Variants in FRZB observed in about 807,000 individuals in gnomAD.
The protein encoded by FRZB is frizzled related protein.
Under a neutral mutation model 32.5 loss-of-function variants are expected in FRZB, and 34 were observed. The observed-to-expected ratio is 1.05, with a 90% confidence interval of 0.80 to 1.39. The LOEUF is 1.39. FRZB is among the 40% of genes most tolerant of loss of function. The pLI, the probability that FRZB is intolerant of heterozygous loss-of-function variation, is 0.00. For synonymous variants in FRZB, 170 were observed against 159.2 expected (o/e 1.07, Z -0.51); for missense variants, 423 against 424.8 (o/e 1.00, Z 0.04).
Position 182,839,968 on chromosome 2 carries a change from TCCC to T in FRZB, c.593-1358_593-1356del, listed in dbSNP as rs570419377. ...AATATAAAACCAGCTAATCAACCAT[TCCC>T]CCCATTAATGTTCCAATTTCGTCAC... On this transcript the variant is annotated intron_variant, in intron 3 of 5. Coordinates refer to ENST00000295113, the MANE Select transcript of FRZB (RefSeq NM_001463.4). Among the ~76,000 whole-genome samples, 340 of 151,922 alleles carry T rather than the reference TCCC, an allele frequency of 2.2e-3. 1 individual carries two copies. Among genetic ancestry groups the T allele is most frequent in the African/African-American group, 7.9e-3 (326 of 41,468 alleles).
At chr2:182,854,172 G>A (rs555830920) in intron 2 of FRZB, among the ~76,000 whole-genome samples, 8 of 152,274 alleles carry the variant, frequency 5.3e-5, no homozygotes, top group Non-Finnish European at 8.8e-5. Flanking sequence ...GAGGCTTCTG[G>A]AGTGCTGGTA....
intron 2 of FRZB, among the ~76,000 whole-genome samples, chr2:182,845,269 CT>C (rs148808843): frequency 6.6e-6 from 1 of 152,106 alleles, no homozygotes; most frequent in Non-Finnish European, 1.5e-5. Flanking sequence ...TAGCTGTCAC[CT>C]TTTTTGTGCC....
At chr2:182,846,554 TG>T (rs1695642903) in intron 2 of FRZB, among the ~76,000 whole-genome samples, 1 of 152,218 alleles carries the variant, frequency 6.6e-6, no homozygotes, top group Non-Finnish European at 1.5e-5. Context: ...TTTTCAAGAC[TG>T]ACCTTTTCTA....
chr2:182,866,553 G>A lies in FRZB; in HGVS notation c.-1C>T, dbSNP rs900196443. The A allele has an allele frequency of 2.8e-6, 4 of 1,449,666 alleles. No individual in the cohort carries two copies. Among genetic ancestry groups the A allele is most frequent in the Non-Finnish European group, 2.7e-6 (3 of 1,103,858 alleles). 89.8% of individuals were successfully genotyped at this position (1,449,666 alleles called of 1,614,324 possible). A position where few individuals can be genotyped will look rare whatever the true frequency, so the allele number is the denominator to read the frequency against. The stretch of plus-strand genomic sequence containing the variant: ...TCCCTCCCGGGCTGCCGCAGACCAT[G>A]ATCCCGGCAGGATGGGGCAGGGTGC... On this transcript the variant is annotated 5_prime_UTR_variant, in exon 1 of 6. Coordinates refer to ENST00000295113, the MANE Select transcript of FRZB (RefSeq NM_001463.4). This position sits in a 1 kb window ranked among gnomAD's most constrained non-coding sequence, Gnocchi z 4.5.
chr2:182,838,670 T>A, intron 3 of FRZB, 57 bp from the exon 4 acceptor site: 1 of 1,443,628 alleles, frequency 6.9e-7, no homozygotes, highest in Non-Finnish European at 9.6e-7. Context: ...GCTACCCCAT[T>A]CAAAAAAAGC....
intron 2 of FRZB, 134 bp from the exon 3 acceptor site, chr2:182,842,677 A>T (rs2105754272): frequency 1.6e-6 from 1 of 627,036 alleles, no homozygotes; most frequent in South Asian, 1.9e-5. Context: ...GTGTGTCTGA[A>T]TTTTTTCTCC....
In FRZB at chr2:182,834,836, T is replaced by C. The variant is rs555048504; in HGVS notation, c.*13A>G. ...ATAGGAAGTCCACTGTGTTACTTTTTGTATTTCGGGATTTAGTTGCGTGCT... is the reference window on the plus strand; with the variant it reads ...ATAGGAAGTCCACTGTGTTACTTTTCGTATTTCGGGATTTAGTTGCGTGCT... On this transcript the variant is annotated 3_prime_UTR_variant, in exon 6 of 6. Transcript: ENST00000295113. The C allele has an allele frequency of 1.3e-6, 2 of 1,594,390 alleles. No homozygotes were observed. The highest frequency in any genetic ancestry group is 1.1e-5 in the South Asian group (1 of 90,676).
chr2:182,837,045 A>AGGAT (rs1695532973), intron 5 of FRZB, among the ~76,000 whole-genome samples: 2 of 152,030 alleles, frequency 1.3e-5, no homozygotes, highest in African/African-American at 4.8e-5. Context: ...CAGAAGGAAG[A>AGGAT]GGATGTATTA....
In FRZB at chr2:182,866,559, G is replaced by T; in HGVS notation, c.-7C>A. On this transcript the variant is annotated 5_prime_UTR_variant, in exon 1 of 6. Coordinates refer to ENST00000295113, the MANE Select transcript of FRZB (RefSeq NM_001463.4). This position sits in a 1 kb window ranked among gnomAD's most constrained non-coding sequence, Gnocchi z 4.5. Reference sequence around the variant, plus strand: ...CCGGGCTGCCGCAGACCATGATCCCGGCAGGATGGGGCAGGGTGCAGCCGC... The same window carrying T: ...CCGGGCTGCCGCAGACCATGATCCCTGCAGGATGGGGCAGGGTGCAGCCGC... The T allele has an allele frequency of 6.9e-7, 1 of 1,441,388 alleles. No homozygotes were observed. Among genetic ancestry groups the T allele is most frequent in the East Asian group, 2.5e-5 (1 of 40,120 alleles). 89.3% of individuals were successfully genotyped at this position (1,441,388 alleles called of 1,614,324 possible). A position where few individuals can be genotyped will look rare whatever the true frequency, so the allele number is the denominator to read the frequency against.
intron 2 of FRZB, among the ~76,000 whole-genome samples, chr2:182,844,211 A>C (rs1024295766): frequency 6.6e-6 from 1 of 152,312 alleles, no homozygotes; most frequent in East Asian, 1.9e-4. Context: ...TTCTCCTGAT[A>C]ATTTTTAGCA....
At chr2:182,845,462 G>C (rs1695629453) in intron 2 of FRZB, among the ~76,000 whole-genome samples, 2 of 151,992 alleles carry the variant, frequency 1.3e-5, no homozygotes. Context: ...TATTTACTGA[G>C]CTTTGCACAA....
chr2:182,858,376 C>T lies in FRZB; in HGVS notation c.526+410G>A, dbSNP rs971779049. 2.6e-4 allele frequency among the ~76,000 whole-genome samples: 39 copies of T among 152,154 alleles called. 1 individual carries two copies. Among genetic ancestry groups the T allele is most frequent in the Admixed American group, 2.6e-3 (39 of 15,278 alleles). ...TGGTTAAGTCTCAAAGGCGTACTGT[C>T]AGTCTGTCTATATGGACAATCGAAC... On this transcript the variant is annotated intron_variant, in intron 2 of 5. Transcript: ENST00000295113.
chr2:182,844,811 T>C (rs1695622998), intron 2 of FRZB, among the ~76,000 whole-genome samples: 1 of 152,206 alleles, frequency 6.6e-6, no homozygotes, highest in Non-Finnish European at 1.5e-5. Flanking sequence ...AGCTAGACTA[T>C]TACCTAACAG....
chr2:182,843,941 A>AC (rs1441146657), intron 2 of FRZB, among the ~76,000 whole-genome samples: 44 of 152,298 alleles, frequency 2.9e-4, no homozygotes, highest in Non-Finnish European at 4.9e-4. Context: ...AAAAAAAAAA[A>AC]AAAGTTGTTT....
chr2:182,854,453 AT>A (rs1405490190), intron 2 of FRZB, among the ~76,000 whole-genome samples: 2 of 152,056 alleles, frequency 1.3e-5, no homozygotes, highest in African/African-American at 4.8e-5. Context: ...TGGGCTCATC[AT>A]TTTTTCCCTC....
intron 4 of FRZB, 112 bp from the exon 5 acceptor site, chr2:182,838,123 C>T: frequency 1.2e-6 from 1 of 836,376 alleles, no homozygotes; most frequent in South Asian, 1.6e-5. Context: ...TTGAATAGGA[C>T]AGCTAAGATT....
intron 3 of FRZB, among the ~76,000 whole-genome samples, chr2:182,841,022 C>A (rs1574982888): frequency 6.6e-6 from 1 of 152,212 alleles, no homozygotes; most frequent in South Asian, 2.1e-4. Context: ...TCAATCTTAA[C>A]AAGCTAATCT....
In FRZB at chr2:182,866,428, A is replaced by AG. The variant is rs763321248; in HGVS notation, c.124dup (p.Leu42ProfsTer11). 1.3e-4 allele frequency: 214 copies of AG among 1,599,234 alleles called. No homozygotes were observed. The highest frequency in any genetic ancestry group is 1.8e-4 in the Non-Finnish European group (211 of 1,171,404). On this transcript the variant is annotated frameshift_variant, in exon 1 of 6. Coordinates refer to ENST00000295113, the MANE Select transcript of FRZB (RefSeq NM_001463.4). LOFTEE classifies it high-confidence loss of function. The surrounding 1 kb of genome is among the most constrained non-coding windows in gnomAD (Gnocchi z 4.5). Reference sequence around the variant, plus strand: ...CATGTTCCAGGGCAGGGACTTGCACAGGGGGATGCGGACGGGCTCACAGGC... The same window carrying AG: ...CATGTTCCAGGGCAGGGACTTGCACAGGGGGGATGCGGACGGGCTCACAGGC...
Position 182,837,870 on chromosome 2 carries a change from A to G in FRZB, c.861+78T>C, listed in dbSNP as rs1695544638. ...TCATATGGTTGAAGGCAGCTATTTCATTTCAATGACAGATGGCTGGTTTTC... is the reference window on the plus strand; with the variant it reads ...TCATATGGTTGAAGGCAGCTATTTCGTTTCAATGACAGATGGCTGGTTTTC... On this transcript the variant is annotated intron_variant, in intron 5 of 5. Transcript: ENST00000295113. 4.9e-5 allele frequency: 55 copies of G among 1,114,008 alleles called. No homozygotes were observed. In the South Asian group the frequency reaches 6.7e-4, roughly 13 times the overall value. The allele number at this position is 1,114,008 out of a possible 1,614,324, so 69.0% of individuals were successfully genotyped here. A position where few individuals can be genotyped will look rare whatever the true frequency, so the allele number is the denominator to read the frequency against.
Sources: gnomAD v4.1 joint callset for allele counts (sites outside exome capture counted in the v4.1 genomes callset) on GRCh38, gnomAD v4.1.1 for gene constraint, Gnocchi (gnomAD v3.1) non-coding constraint, MANE v1.5 for transcripts, NCBI Gene and HGNC (gene_info 2026-07-23, HGNC 2026-07-21) for gene names.